FBXO32: variants seen among roughly 807,000 people sequenced by gnomAD.
The protein encoded by FBXO32 is F-box only protein 32.
Under a neutral mutation model 48.3 loss-of-function variants are expected in FBXO32, and 15 were observed. The observed-to-expected ratio is 0.31, with a 90% CI of 0.21 to 0.48. The LOEUF (loss-of-function observed/expected upper bound fraction) is 0.48. Ranked by LOEUF, FBXO32 falls within the 20% of genes least tolerant of loss-of-function variation. The pLI is 0.99. For missense variants in FBXO32, 309 were observed against 432.7 expected (o/e 0.71, Z 2.54); for synonymous variants, 154 against 165.9 (o/e 0.93, Z 0.55).
chr8:123,527,705 C>T (rs1817114510), intron 4 of FBXO32, among the ~76,000 whole-genome samples: 1 of 152,180 alleles, frequency 6.6e-6, no homozygotes, highest in Non-Finnish European at 1.5e-5. Flanking sequence ...AAGTAAGTTA[C>T]ATTGCATTTT....
At chr8:123,511,425 G>A (rs1179880217) in intron 6 of FBXO32, among the ~76,000 whole-genome samples, 1 of 152,054 alleles carries the variant, frequency 6.6e-6, no homozygotes, top group African/African-American at 2.4e-5. Context: ...CCTTGGAAGT[G>A]GACAGAGGGA....
At chr8:123,504,182 A>G (rs527467000) in intron 8 of FBXO32, among the ~76,000 whole-genome samples, 1 of 152,314 alleles carries the variant, frequency 6.6e-6, no homozygotes. Context: ...ATTTAAGGTT[A>G]TGAATGTGTC....
At chr8:123,510,366 C>A (rs1329018112) in intron 6 of FBXO32, among the ~76,000 whole-genome samples, 2 of 152,158 alleles carry the variant, frequency 1.3e-5, no homozygotes, top group African/African-American at 2.4e-5. Context: ...AATCCCAGCA[C>A]TTTGGGAGGC....
At chr8:123,508,310 T>TGTCC (rs915647084) in intron 6 of FBXO32, among the ~76,000 whole-genome samples, 65 of 152,238 alleles carry the variant, frequency 4.3e-4, no homozygotes, top group African/African-American at 1.5e-3. Context: ...TTCTCTCCTG[T>TGTCC]GTCCCCAGCA....
intron 4 of FBXO32, among the ~76,000 whole-genome samples, chr8:123,515,535 C>T (rs891394830): frequency 1.3e-5 from 2 of 151,918 alleles, no homozygotes; most frequent in Admixed American, 6.6e-5. Context: ...AGGCATGAGC[C>T]ACCGCGCCCC....
At chr8:123,522,334 G>A (rs1277406512) in intron 4 of FBXO32, among the ~76,000 whole-genome samples, 1 of 150,314 alleles carries the variant, frequency 6.7e-6, no homozygotes, top group African/African-American at 2.5e-5. Flanking sequence ...TCAGCCTTCT[G>A]AGTAGCTGGG....
At chr8:123,533,094 A>C in intron 3 of FBXO32, 97 bp downstream of exon 3, 1 of 865,346 alleles carries the variant, frequency 1.2e-6, no homozygotes, top group Non-Finnish European at 1.9e-6. Context: ...GAAGACTCTC[A>C]TGATCCGAAG....
chr8:123,526,860 AT>A (rs913614086), intron 4 of FBXO32: 26 of 148,146 alleles, frequency 1.8e-4, no homozygotes, highest in East Asian at 9.8e-4. Context: ...GGGGGCAATA[AT>A]TTTTTTTTTT....
intron 4 of FBXO32, among the ~76,000 whole-genome samples, chr8:123,520,825 T>G (rs1380586073): frequency 6.6e-6 from 1 of 152,214 alleles, no homozygotes; most frequent in Non-Finnish European, 1.5e-5. Context: ...TTACCATGAC[T>G]GGCAAGGTTC....
At position 123,540,728 on chromosome 8, in the gene FBXO32, T is replaced by A. The variant is rs1817394133; in HGVS notation, c.116+171A>T. On this transcript the variant is annotated intron_variant, in intron 1 of 8. Transcript: ENST00000517956. This position sits in a 1 kb window ranked among gnomAD's most constrained non-coding sequence, Gnocchi z 6.4. ...GAGAAACCGAATTCCCTGTCTCCGG[T>A]GGTCCGAAGACCTCTGCAGAAATCG... Among the ~76,000 whole-genome samples, 1 of 152,114 alleles carries A rather than the reference T, an allele frequency of 6.6e-6. No individual in the cohort carries two copies. Among genetic ancestry groups the A allele is most frequent in the Admixed American group, 6.6e-5 (1 of 15,266 alleles).
chr8:123,511,078 T>C (rs1440414922), intron 6 of FBXO32, among the ~76,000 whole-genome samples: 1 of 152,196 alleles, frequency 6.6e-6, no homozygotes, highest in African/African-American at 2.4e-5. Context: ...TGGGATCTCA[T>C]TGGATTAAAG....
intron 1 of FBXO32, among the ~76,000 whole-genome samples, chr8:123,535,117 A>G (rs1241115059): frequency 6.6e-6 from 1 of 152,158 alleles, no homozygotes; most frequent in African/African-American, 2.4e-5. Context: ...AACTAAGAGC[A>G]ATGCAGAGTA....
At chr8:123,532,014 G>A (rs1214221305) in intron 3 of FBXO32, 24 bp from the exon 4 acceptor site, 22 of 1,613,536 alleles carry the variant, frequency 1.4e-5, no homozygotes, top group South Asian at 6.6e-5. Context: ...CAAAGGCACA[G>A]AAGTTACTCC....
rs374540558 is a variant in FBXO32, at chr8:123,502,359, A to G, written c.*1014T>C. 2.0e-5 allele frequency: 3 copies of G among 152,396 alleles called. No homozygotes were observed. The highest frequency in any genetic ancestry group is 7.2e-5 in the African/African-American group (3 of 41,586). The allele number at this position is 152,396 out of a possible 1,614,324, so 9.4% of individuals were successfully genotyped here. On this transcript the variant is annotated 3_prime_UTR_variant, in exon 9 of 9. Coordinates refer to ENST00000517956, the MANE Select transcript of FBXO32 (RefSeq NM_058229.4). The stretch of plus-strand genomic sequence containing the variant: ...ATCCAAGGAAGGAAGTTCAGCAGGA[A>G]TAAGGAAGTCTTCACAGCTATTGAT...
chr8:123,509,929 T>C (rs920848688), intron 6 of FBXO32, among the ~76,000 whole-genome samples: 1 of 152,190 alleles, frequency 6.6e-6, no homozygotes, highest in African/African-American at 2.4e-5. Context: ...CAAATTATTC[T>C]TAACTACTTG....
Position 123,504,733 on chromosome 8 carries a change from T to C in FBXO32, c.849A>G (p.Leu283=), listed in dbSNP as rs1816577453. 1 of 1,613,280 alleles carries C rather than the reference T, an allele frequency of 6.2e-7. No individual in the cohort carries two copies. The highest frequency in any genetic ancestry group is 8.5e-7 in the Non-Finnish European group (1 of 1,179,756). The change falls in exon 8 of 9, where the codon TTA becomes TTG. Residue 283 remains leucine, a synonymous_variant. Transcript: ENST00000517956. ...CCAGCTGCCCTTTGTCTGACAGAAT[T>C]AATCGTTTGCGGATCTAAAAAATCA... The part of the protein sequence containing the change: ...HFSERQIRKR[L]ILSDKGQLDW...
chr8:123,538,342 G>A (rs1817349312), intron 1 of FBXO32, among the ~76,000 whole-genome samples: 1 of 152,240 alleles, frequency 6.6e-6, no homozygotes, highest in Non-Finnish European at 1.5e-5. Flanking sequence ...TGTTTGGGCC[G>A]TTTGCAGAAT....
intron 4 of FBXO32, among the ~76,000 whole-genome samples, chr8:123,526,063 A>C (rs1285361034): frequency 6.6e-6 from 1 of 152,008 alleles, no homozygotes; most frequent in Non-Finnish European, 1.5e-5. Context: ...TAAACTTCTT[A>C]CTACACATGA....
In FBXO32 at chr8:123,540,183, G is replaced by A. The variant is rs1213445468; in HGVS notation, c.116+716C>T. 1.3e-5 allele frequency among the ~76,000 whole-genome samples: 2 copies of A among 152,130 alleles called. No individual in the cohort carries two copies. Among genetic ancestry groups the A allele is most frequent in the African/African-American group, 4.8e-5 (2 of 41,428 alleles). On this transcript the variant is annotated intron_variant, in intron 1 of 8. Coordinates refer to ENST00000517956, the MANE Select transcript of FBXO32 (RefSeq NM_058229.4). The surrounding 1 kb of genome is among the most constrained non-coding windows in gnomAD (Gnocchi z 6.4). ...GCACTCTATACAAAGCAGACCGACC[G>A]AGAGGGCCACCGAGGAAACAGGTGC...
Sources: gnomAD v4.1 joint callset for allele counts (sites outside exome capture counted in the v4.1 genomes callset) on GRCh38, gnomAD v4.1.1 for gene constraint, Gnocchi (gnomAD v3.1) non-coding constraint, MANE v1.5 for transcripts, NCBI Gene and HGNC (gene_info 2026-07-23, HGNC 2026-07-21) for gene names.